Variants in MACF1 observed in about 807,000 individuals in gnomAD.
The protein encoded by MACF1 is microtubule-actin cross-linking factor 1.
In MACF1, 193 loss-of-function variants were observed where a neutral mutation model predicts 854.8. The ratio of observed to expected loss-of-function variants is 0.23; its 90% CI spans 0.20 to 0.25. The LOEUF is 0.25. MACF1 is among the 10% of genes least tolerant of loss of function. MACF1 has a pLI of 1.00. For missense variants in MACF1, 7,722 were observed against 8,929.1 expected (o/e 0.86, Z 5.45); for synonymous variants, 3,185 against 3,226.7 (o/e 0.99, Z 0.44).
upstream of MACF1, among the ~76,000 whole-genome samples, chr1:39,200,555 C>T (rs1360242938): frequency 4.0e-5 from 6 of 151,670 alleles, no homozygotes; most frequent in African/African-American, 7.3e-5. Flanking sequence ...AAAAATTAGC[C>T]GGGCGTGGTG....
intron 23 of MACF1, among the ~76,000 whole-genome samples, chr1:39,307,204 T>C (rs1393059194): frequency 2.0e-5 from 3 of 151,942 alleles, no homozygotes; most frequent in East Asian, 1.9e-4. Flanking sequence ...AACTCTGAAA[T>C]CATTGCTCTA....
intron 97 of MACF1, among the ~76,000 whole-genome samples, chr1:39,477,151 CACAGAT>C (rs1557675282): frequency 1.3e-5 from 1 of 75,138 alleles, no homozygotes; most frequent in Non-Finnish European, 3.3e-5. Context: ...CACACACACA[CACAGAT>C]GTGCAAAGGA....
rs776099458 is a variant in MACF1, at chr1:39,335,079, T to A, written c.8491T>A (p.Ser2831Thr). 1 of 1,614,120 alleles carries A rather than the reference T, an allele frequency of 6.2e-7. No individual in the cohort carries two copies. The highest frequency in any genetic ancestry group is 8.5e-7 in the Non-Finnish European group (1 of 1,179,998). Reference protein sequence around the residue: ...SAQEKVKVRVSDGEQAKKSRE... With the variant: ...SAQEKVKVRVTDGEQAKKSRE... Reference sequence around the variant, plus strand: ...ACAAGAAAAGGTTAAAGTGAGAGTTTCTGATGGGGAGCAGGCAAAAAAGAG... The same window carrying A: ...ACAAGAAAAGGTTAAAGTGAGAGTTACTGATGGGGAGCAGGCAAAAAAGAG... Residue 2831 changes from serine (S) to threonine (T), a missense_variant, in exon 37 of 101, where the codon TCT (serine) becomes ACT (threonine). Physicochemically the swap from Ser to Thr is moderately conservative, Grantham distance 58 (BLOSUM62 1). Coordinates refer to ENST00000564288, the MANE Select transcript of MACF1 (RefSeq NM_001394062.1).
At chr1:39,214,314 TG>T (rs1644550273) in intron 1 of MACF1, among the ~76,000 whole-genome samples, 2 of 152,186 alleles carry the variant, frequency 1.3e-5, no homozygotes, top group African/African-American at 2.4e-5. Flanking sequence ...ATAGAAGGGC[TG>T]GGCCAGCTGA....
intron 2 of MACF1, among the ~76,000 whole-genome samples, chr1:39,140,999 A>G (rs187613562): frequency 6.6e-6 from 1 of 151,614 alleles, no homozygotes; most frequent in East Asian, 1.9e-4. Flanking sequence ...AATCCTTAGA[A>G]CCTATCTCCA....
intron 2 of MACF1, among the ~76,000 whole-genome samples, chr1:39,175,941 C>CAAAAA (rs68102262): frequency 1.0e-5 from 1 of 98,566 alleles, no homozygotes; most frequent in Admixed American, 1.2e-4. Flanking sequence ...ACTAAAAATA[C>CAAAAA]AAAAAAAAAA....
chr1:39,252,376 C>T (rs746421930), intron 4 of MACF1, among the ~76,000 whole-genome samples: 2 of 152,140 alleles, frequency 1.3e-5, no homozygotes, highest in Non-Finnish European at 2.9e-5. Context: ...TATCATCATA[C>T]ACCCCGTCAT....
chr1:39,448,234 A>C, intron 83 of MACF1, 82 bp downstream of exon 83: 1 of 1,479,384 alleles, frequency 6.8e-7, no homozygotes, highest in Non-Finnish European at 9.1e-7. Context: ...AATCAGAGCT[A>C]GTAAAAAGAA....
intron 2 of MACF1, among the ~76,000 whole-genome samples, chr1:39,236,332 A>T (rs944543312): frequency 6.6e-6 from 1 of 152,176 alleles, no homozygotes; most frequent in African/African-American, 2.4e-5. Flanking sequence ...TTGCTGAACT[A>T]TGTGCCATGC....
At chr1:39,414,496 T>C (rs1269561544) in intron 58 of MACF1, 3 of 1,613,828 alleles carry the variant, frequency 1.9e-6, no homozygotes, top group Non-Finnish European at 2.5e-6. Flanking sequence ...CCATTTTGAT[T>C]CTGGGAAGGG....
At chr1:39,472,971 A>T (rs528514096) in intron 97 of MACF1, among the ~76,000 whole-genome samples, 1 of 152,332 alleles carries the variant, frequency 6.6e-6, no homozygotes, top group East Asian at 1.9e-4. Flanking sequence ...TGTCTTTGGC[A>T]TGGCTGTAGT....
intron 2 of MACF1, among the ~76,000 whole-genome samples, chr1:39,236,502 C>G (rs759722964): frequency 2.0e-5 from 3 of 152,182 alleles, no homozygotes; most frequent in Non-Finnish European, 4.4e-5. Context: ...GTGCCCCTGA[C>G]TATACTCCTT....
At chr1:39,122,953 G>A (rs1028637341) in intron 2 of MACF1, among the ~76,000 whole-genome samples, 1 of 152,102 alleles carries the variant, frequency 6.6e-6, no homozygotes, top group African/African-American at 2.4e-5. Flanking sequence ...TTAGAAAGGA[G>A]GGTGGGGTCT....
At chr1:39,270,153 T>G (rs1388774076) in intron 6 of MACF1, among the ~76,000 whole-genome samples, 1 of 152,212 alleles carries the variant, frequency 6.6e-6, no homozygotes, top group Non-Finnish European at 1.5e-5. Flanking sequence ...CTGTTGTCAG[T>G]GTACTTGCTC....
chr1:39,464,847 G>A, intron 94 of MACF1: 1 of 439,814 alleles, frequency 2.3e-6, no homozygotes, highest in Non-Finnish European at 4.2e-6. Context: ...GCCGGGGTCG[G>A]AGGTTGCAGT....
At chr1:39,202,451 G>A (rs1319641610), upstream of MACF1, among the ~76,000 whole-genome samples, 2 of 151,204 alleles carry the variant, frequency 1.3e-5, no homozygotes, top group African/African-American at 4.8e-5. Context: ...CCTGGCCAAT[G>A]CGGTGAAACC....
chr1:39,257,886 C>G (rs762688743), intron 5 of MACF1, 50 bp from the exon 6 acceptor site: 2 of 1,392,944 alleles, frequency 1.4e-6, no homozygotes, highest in Non-Finnish European at 2.0e-6. Context: ...AAAATTTAAT[C>G]AAAACAAAAA....
chr1:39,457,318 G>T (rs783840), intron 89 of MACF1: 8,412 of 152,182 alleles, frequency 0.055, 294 homozygotes, highest in African/African-American at 0.098. Context: ...CCACTCACCA[G>T]GGCTTGTCAG....
intron 58 of MACF1, among the ~76,000 whole-genome samples, chr1:39,405,927 G>A (rs1037747870): frequency 2.0e-5 from 3 of 151,848 alleles, no homozygotes; most frequent in African/African-American, 7.3e-5. Flanking sequence ...GTGGAAAGCT[G>A]TATCAGGTAT....
Sources: gnomAD v4.1 joint callset for allele counts (sites outside exome capture counted in the v4.1 genomes callset) on GRCh38, gnomAD v4.1.1 for gene constraint, MANE v1.5 for transcripts, NCBI Gene and HGNC (gene_info 2026-07-23, HGNC 2026-07-21) for gene names.